Variants in ADAMTSL1 observed in about 807,000 individuals in gnomAD.
ADAMTSL1 encodes ADAMTS like 1.
ADAMTSL1 carries 126 observed loss-of-function variants against 201.8 expected under a neutral mutation model. The ratio of observed to expected loss-of-function variants is 0.62; its 90% CI spans 0.54 to 0.72. The LOEUF is 0.72. Among genes scored for constraint, ADAMTSL1 ranks in the 30% least tolerant of loss-of-function variants. ADAMTSL1 has a pLI of 0.00. For missense variants in ADAMTSL1, 2,679 were observed against 2,277.8 expected, an observed-to-expected ratio of 1.18 and a Z score of -3.59; for synonymous variants, 1,121 against 903.4, an observed-to-expected ratio of 1.24 and a Z score of -4.32.
At chr9:18,563,596 C>T (rs1393665658) in intron 3 of ADAMTSL1, among the ~76,000 whole-genome samples, 1 of 152,222 alleles carries the variant, frequency 6.6e-6, no homozygotes, top group African/African-American at 2.4e-5. Flanking sequence ...TTTAAGTCTG[C>T]TGAAGCCGCA....
intron 1 of ADAMTSL1, among the ~76,000 whole-genome samples, chr9:18,134,427 T>A (rs1826072180): frequency 6.6e-6 from 1 of 152,274 alleles, no homozygotes; most frequent in South Asian, 2.1e-4. Flanking sequence ...TGACAAATGG[T>A]GGAATGGGAG....
chr9:18,535,434 C>T (rs1287129652), intron 3 of ADAMTSL1, among the ~76,000 whole-genome samples: 3 of 152,140 alleles, frequency 2.0e-5, no homozygotes, highest in African/African-American at 7.2e-5. Flanking sequence ...TCTGAGCCCC[C>T]CAAGTATCTA....
chr9:18,404,761 C>G (rs1357772126), intron 2 of ADAMTSL1, among the ~76,000 whole-genome samples: 3 of 152,196 alleles, frequency 2.0e-5, no homozygotes, highest in African/African-American at 7.2e-5. Flanking sequence ...TAGGTGCCAC[C>G]TTTGAGAGTT....
intron 1 of ADAMTSL1, among the ~76,000 whole-genome samples, chr9:18,059,216 T>A (rs1460529857): frequency 6.6e-6 from 1 of 152,184 alleles, no homozygotes; most frequent in Non-Finnish European, 1.5e-5. Flanking sequence ...TCTGAGTAAG[T>A]TACTTTCACT....
intron 7 of ADAMTSL1, among the ~76,000 whole-genome samples, chr9:18,649,375 T>C (rs567842040): frequency 6.6e-6 from 1 of 152,286 alleles, no homozygotes; most frequent in African/African-American, 2.4e-5. Context: ...TCTGAAGCCT[T>C]CTTCTCTCAA....
chr9:18,796,295 G>C (rs79699930), intron 20 of ADAMTSL1, among the ~76,000 whole-genome samples: 546 of 152,210 alleles, frequency 3.6e-3, no homozygotes, highest in Non-Finnish European at 5.7e-3. Flanking sequence ...TGCTAGTGGC[G>C]GGGGAAGAAG....
intron 2 of ADAMTSL1, among the ~76,000 whole-genome samples, chr9:18,328,747 T>C (rs753839582): frequency 3.3e-5 from 5 of 152,204 alleles, no homozygotes; most frequent in Non-Finnish European, 7.3e-5. Context: ...TTTGTATAAC[T>C]ATGAGTTTTT....
chr9:18,134,462 A>G (rs1451712674), intron 1 of ADAMTSL1, among the ~76,000 whole-genome samples: 1 of 152,200 alleles, frequency 6.6e-6, no homozygotes, highest in Non-Finnish European at 1.5e-5. Context: ...GCTACAAGAA[A>G]GAAGCCCTAA....
chr9:18,011,237 A>C (rs947612548), intron 1 of ADAMTSL1, among the ~76,000 whole-genome samples: 6 of 152,092 alleles, frequency 3.9e-5, no homozygotes, highest in African/African-American at 1.4e-4. Flanking sequence ...GTAATTCAAG[A>C]GTTAATGTTT....
chr9:18,504,211 T>C (rs1823000086), intron 1 of ADAMTSL1, among the ~76,000 whole-genome samples: 1 of 152,198 alleles, frequency 6.6e-6, no homozygotes, highest in Admixed American at 6.5e-5. Flanking sequence ...TTGAGACCTG[T>C]ACATAACCAC....
At chr9:18,848,925 G>A (rs776687989) in intron 23 of ADAMTSL1, among the ~76,000 whole-genome samples, 18 of 152,138 alleles carry the variant, frequency 1.2e-4, no homozygotes, top group Non-Finnish European at 1.5e-4. Flanking sequence ...TCAGATAAAC[G>A]AAGCAAGAAA....
At chr9:18,296,655 A>T (rs1833488670) in intron 2 of ADAMTSL1, among the ~76,000 whole-genome samples, 1 of 152,220 alleles carries the variant, frequency 6.6e-6, no homozygotes, top group African/African-American at 2.4e-5. Flanking sequence ...GATATTTTTT[A>T]AAAGGGAATA....
intron 20 of ADAMTSL1, among the ~76,000 whole-genome samples, chr9:18,806,193 C>T (rs1031335668): frequency 6.6e-6 from 1 of 152,198 alleles, no homozygotes; most frequent in Non-Finnish European, 1.5e-5. Flanking sequence ...TACAGAAAAA[C>T]AAACCTATAA....
intron 15 of ADAMTSL1, among the ~76,000 whole-genome samples, chr9:18,734,173 T>C (rs1818380179): frequency 6.6e-6 from 1 of 152,180 alleles, no homozygotes; most frequent in Non-Finnish European, 1.5e-5. Flanking sequence ...TGTTAAGCGC[T>C]TAGCACAGTG....
chr9:18,088,164 A>G (rs1823851288), intron 1 of ADAMTSL1, among the ~76,000 whole-genome samples: 1 of 152,222 alleles, frequency 6.6e-6, no homozygotes, highest in African/African-American at 2.4e-5. Context: ...TAGTCTCTTC[A>G]ACAAATGGCA....
chr9:18,218,738 CTCT>C (rs1829048702), intron 2 of ADAMTSL1, among the ~76,000 whole-genome samples: 2 of 151,656 alleles, frequency 1.3e-5, no homozygotes, highest in Non-Finnish European at 2.9e-5. Flanking sequence ...TTTTTGGAGC[CTCT>C]TCTTATATAA....
chr9:18,789,976 C>G (rs1015276546), intron 19 of ADAMTSL1, among the ~76,000 whole-genome samples: 4 of 152,140 alleles, frequency 2.6e-5, no homozygotes, highest in African/African-American at 9.7e-5. Flanking sequence ...GAATGAGAGG[C>G]CTGAGGTGGC....
intron 13 of ADAMTSL1, 109 bp from the exon 14 acceptor site, chr9:18,706,637 CT>C: frequency 1.7e-6 from 2 of 1,147,012 alleles, no homozygotes; most frequent in Non-Finnish European, 2.4e-6. Flanking sequence ...CTGAGTACCC[CT>C]GGGACAGCTC....
chr9:18,240,341 C>CT (rs34029558), intron 2 of ADAMTSL1, among the ~76,000 whole-genome samples: 68,531 of 147,570 alleles, frequency 0.46, 15,991 homozygotes, highest in African/African-American at 0.56. Context: ...TAAAATGAAT[C>CT]TTTTTTTTTT....
Sources: gnomAD v4.1 joint callset for allele counts (sites outside exome capture counted in the v4.1 genomes callset) on GRCh38, gnomAD v4.1.1 for gene constraint, MANE v1.5 for transcripts, NCBI Gene and HGNC (gene_info 2026-07-23, HGNC 2026-07-21) for gene names.